The following UVSSA variants were observed in gnomAD, a reference collection of about 807,000 sequenced individuals.
UVSSA encodes the protein UV stimulated scaffold protein A.
A neutral mutation model predicts 73.9 loss-of-function variants in UVSSA; 72 were observed. The ratio of observed to expected loss-of-function variants is 0.97; its 90% CI spans 0.81 to 1.19. The LOEUF is 1.19. UVSSA is among the 50% of genes most tolerant of loss of function. The pLI is 0.00. For synonymous variants in UVSSA, 454 were observed against 391.3 expected, an observed-to-expected ratio of 1.16 and a Z score of -1.89; for missense variants, 1,150 against 965.0, an observed-to-expected ratio of 1.19 and a Z score of -2.54.
exon 14 of UVSSA, chr4:1,394,526 G>T: frequency 6.5e-7 from 1 of 1,549,042 alleles, no homozygotes; most frequent in South Asian, 1.2e-5. Flanking sequence ...ATGAGCCCTC[G>T]CTTTGTGCCA....
At chr4:1,342,698 CAT>C (rs1227118288), upstream of UVSSA, among the ~76,000 whole-genome samples, 3 of 152,200 alleles carry the variant, frequency 2.0e-5, no homozygotes, top group Non-Finnish European at 2.9e-5. Flanking sequence ...CCCACCATCC[CAT>C]ATGTTTACTC....
At position 1,349,739 on chromosome 4, in the gene UVSSA, C is replaced by T. The variant is rs200196963; in HGVS notation, c.314C>T (p.Ala105Val). ...PAQPLPPPRE[A>V]AQRLRQATTR... ...CAGCCTCTGCCGCCCCCCAGGGAGG[C>T]GGCACAGAGGCTGAGGCAGGCGACC... The change falls in exon 3 of 14, where the codon GCG (alanine) becomes GTG (valine). Residue 105 changes from alanine (A) to valine (V), a missense_variant. By Grantham distance (64) the Ala-to-Val change is moderately conservative (BLOSUM62 0). Coordinates refer to ENST00000389851, the MANE Select transcript of UVSSA (RefSeq NM_020894.4). The T allele has an allele frequency of 1.5e-4, 242 of 1,613,016 alleles. No homozygotes were observed. The highest frequency in any genetic ancestry group is 1.8e-4 in the Non-Finnish European group (216 of 1,179,572).
At chr4:1,345,581 G>C (rs1490376863), upstream of UVSSA, among the ~76,000 whole-genome samples, 2 of 149,558 alleles carry the variant, frequency 1.3e-5, no homozygotes, top group Admixed American at 6.7e-5. Context: ...GGAGGCGGAG[G>C]CTGCAGTGAA....
chr4:1,375,640 C>A, intron 9 of UVSSA, 132 bp downstream of exon 9: 1 of 1,398,178 alleles, frequency 7.2e-7, no homozygotes, highest in South Asian at 1.4e-5. Flanking sequence ...TGGGTGTGTA[C>A]CCCCGGCCGG....
intron 1 of UVSSA, 61 bp from the exon 2 acceptor site, chr4:1,348,029 T>C (rs1199838200): frequency 5.0e-6 from 7 of 1,402,876 alleles, no homozygotes; most frequent in Non-Finnish European, 7.0e-6. Context: ...AACACGTTAA[T>C]AACACCGAGA....
rs1489901276 is a variant in UVSSA, at chr4:1,376,178, C to T, written c.1568+10C>T. 1 of 1,604,906 alleles carries T rather than the reference C, an allele frequency of 6.2e-7. No homozygotes were observed. The highest frequency in any genetic ancestry group is 8.5e-7 in the Non-Finnish European group (1 of 1,175,090). On this transcript the variant is annotated intron_variant, in intron 10 of 13. Transcript: ENST00000389851. The stretch of plus-strand genomic sequence containing the variant: ...CCGGGAAGATTGTCAAGTGAGTCCC[C>T]ATGTGTCTGAAGTCGGCCAGGGCAC...
intron 7 of UVSSA, among the ~76,000 whole-genome samples, chr4:1,357,806 G>C (rs1375962438): frequency 1.3e-5 from 2 of 152,114 alleles, no homozygotes; most frequent in African/African-American, 4.8e-5. Context: ...TCTGGAGGCA[G>C]CACTAGCCCC....
intron 11 of UVSSA, 66 bp from the exon 12 acceptor site, chr4:1,380,814 T>TG (rs1719395287): frequency 6.3e-7 from 1 of 1,592,946 alleles, no homozygotes; most frequent in African/African-American, 1.3e-5. Flanking sequence ...GTCGTGGTGG[T>TG]GGGGGGAGGT....
At chr4:1,348,213 GTAAC>G in intron 2 of UVSSA, 24 bp downstream of exon 2, 3 of 1,569,824 alleles carry the variant, frequency 1.9e-6, no homozygotes, top group African/African-American at 1.3e-5. Context: ...TTCAGTAACA[GTAAC>G]TGACTGGCCC....
chr4:1,349,454 G>A (rs1428228576), intron 2 of UVSSA, 70 bp from the exon 3 acceptor site: 2 of 1,472,194 alleles, frequency 1.4e-6, no homozygotes, highest in Non-Finnish European at 1.9e-6. Flanking sequence ...CGGCATCCAT[G>A]CACGGAGAGT....
chr4:1,364,367 C>T (rs1038317059), intron 7 of UVSSA, among the ~76,000 whole-genome samples: 11 of 151,790 alleles, frequency 7.2e-5, no homozygotes, highest in Non-Finnish European at 1.2e-4. Context: ...GCCCCGTGGC[C>T]TTGTGTGGCC....
rs776372436 is a variant in UVSSA, at chr4:1,383,916, G to A, written c.2012G>A (p.Arg671His). 53 of 1,612,466 alleles carry A rather than the reference G, an allele frequency of 3.3e-5. No homozygotes were observed. The highest frequency in any genetic ancestry group is 6.7e-5 in the Admixed American group (4 of 59,896). ...LKAQADTARARIGRKVFAKAA... is the reference protein window; with the variant it reads ...LKAQADTARAHIGRKVFAKAA... ...GCTCAGGCTGATACCGCCCGCGCTC[G>A]CATTGGGAGAAAAGTCTTCGCCAAG... Residue 671 changes from arginine to histidine, a missense_variant, in exon 13 of 14, where the codon CGC (arginine) becomes CAC (histidine). Physicochemically the swap from Arg to His is conservative, Grantham distance 29 (BLOSUM62 0). Transcript: ENST00000389851.
chr4:1,354,801 A>G lies in UVSSA; in HGVS notation c.1001A>G (p.Lys334Arg), dbSNP rs1325045818. ...ATCCACGCCGCCCGCGACACACTCA[A>G]GCTCATCCGGAACAAGTTCCTGCCG... is the stretch of plus-strand genomic sequence containing the variant. Reference protein sequence around the residue: ...ALIHAARDTLKLIRNKFLPAV... With the variant: ...ALIHAARDTLRLIRNKFLPAV... Residue 334 changes from lysine (K) to arginine (R), a missense_variant, in exon 6 of 14, where the codon AAG becomes AGG. Coordinates refer to ENST00000389851, the MANE Select transcript of UVSSA (RefSeq NM_020894.4). The G allele has an allele frequency of 1.9e-6, 3 of 1,612,996 alleles. No homozygotes were observed. The highest frequency in any genetic ancestry group is 2.5e-6 in the Non-Finnish European group (3 of 1,179,690).
rs1426398998 is a variant in UVSSA, at chr4:1,380,784, T to C, written c.1753-96T>C. ...TTTGGCTCTGTGATACCACCCACCC[T>C]GGTCGCTGTTTGTGCCCAAGTCGTG... On this transcript the variant is annotated intron_variant, in intron 11 of 13. Transcript: ENST00000389851. The C allele has an allele frequency of 3.8e-6, 6 of 1,586,820 alleles. No individual in the cohort carries two copies. In the African/African-American group the frequency reaches 8.1e-5, roughly 21 times the overall value.
Position 1,375,406 on chromosome 4 carries a change from T to C in UVSSA, c.1331T>C (p.Leu444Ser). ...GAGAAAGACACAGTTGTGCGGTGCTTGCGGACGAGGACGAGGATGGACGAG... is the reference window on the plus strand; with the variant it reads ...GAGAAAGACACAGTTGTGCGGTGCTCGCGGACGAGGACGAGGATGGACGAG... ...APEKDTVVRC[L>S]RTRTRMDEEV... The change falls in exon 9 of 14, where the codon TTG (leucine) becomes TCG (serine). Residue 444 changes from leucine to serine, a missense_variant. Coordinates refer to ENST00000389851, the MANE Select transcript of UVSSA (RefSeq NM_020894.4). 1 of 1,613,556 alleles carries C rather than the reference T, an allele frequency of 6.2e-7. No individual in the cohort carries two copies. Among genetic ancestry groups the C allele is most frequent in the Non-Finnish European group, 8.5e-7 (1 of 1,180,002 alleles).
At position 1,353,505 on chromosome 4, in the gene UVSSA, G is replaced by C; in HGVS notation, c.934+92G>C. 5.6e-6 allele frequency: 8 copies of C among 1,419,064 alleles called. No homozygotes were observed. The South Asian group carries it at 1.2e-4, about 22-fold the overall frequency. 87.9% of individuals were successfully genotyped at this position (1,419,064 alleles called of 1,614,324 possible). On this transcript the variant is annotated intron_variant, in intron 5 of 13. Coordinates refer to ENST00000389851, the MANE Select transcript of UVSSA (RefSeq NM_020894.4). The stretch of plus-strand genomic sequence containing the variant: ...CTGGCACCCGGCCCAGGAGCCTGGG[G>C]ATGCAGGGGCCTCCCCTGGGGAGCT...
chr4:1,371,902 G>A (rs945175113), intron 8 of UVSSA, among the ~76,000 whole-genome samples: 5 of 152,168 alleles, frequency 3.3e-5, no homozygotes, highest in African/African-American at 7.2e-5. Flanking sequence ...CCCGTGATAC[G>A]GCTCATTCTT....
At chr4:1,377,590 C>T (rs915313568) in intron 10 of UVSSA, among the ~76,000 whole-genome samples, 1 of 152,202 alleles carries the variant, frequency 6.6e-6, no homozygotes, top group Non-Finnish European at 1.5e-5. Flanking sequence ...AAGCTCCCAC[C>T]GAGAAGCGGA....
At chr4:1,383,173 G>A (rs1294547971) in intron 12 of UVSSA, among the ~76,000 whole-genome samples, 5 of 152,210 alleles carry the variant, frequency 3.3e-5, no homozygotes, top group African/African-American at 1.2e-4. Flanking sequence ...GCTTGCTTGG[G>A]AAGGGCAGTT....
Sources: gnomAD v4.1 joint callset for allele counts (sites outside exome capture counted in the v4.1 genomes callset) on GRCh38, gnomAD v4.1.1 for gene constraint, MANE v1.5 for transcripts, NCBI Gene and HGNC (gene_info 2026-07-23, HGNC 2026-07-21) for gene names.